NTM: variants seen among roughly 807,000 people sequenced by gnomAD.
NTM encodes the protein neurotrimin, also known as IgLON family member 2.
NTM carries 13 observed loss-of-function variants against 42.1 expected under a neutral mutation model. The observed-to-expected ratio is 0.31, with a 90% CI of 0.20 to 0.49. The LOEUF is 0.49. Ranked by LOEUF, NTM falls within the 20% of genes least tolerant of loss-of-function variation. NTM has a pLI of 0.99. For synonymous variants in NTM, 187 were observed against 179.2 expected, an observed-to-expected ratio of 1.04 and a Z score of -0.35; for missense variants, 373 against 452.8, an observed-to-expected ratio of 0.82 and a Z score of 1.60.
At chr11:131,588,071 A>C (rs2137252975) in intron 1 of NTM, among the ~76,000 whole-genome samples, 1 of 152,356 alleles carries the variant, frequency 6.6e-6, no homozygotes, top group African/African-American at 2.4e-5. Flanking sequence ...TTACATCACC[A>C]TATGAGGTGG....
At chr11:131,570,394 C>T (rs2057338253) in intron 1 of NTM, among the ~76,000 whole-genome samples, 1 of 152,120 alleles carries the variant, frequency 6.6e-6, no homozygotes, top group African/African-American at 2.4e-5. Context: ...TTCACAAATC[C>T]TAAAATTTTC....
intron 3 of NTM, among the ~76,000 whole-genome samples, chr11:132,200,094 A>G (rs1047042993): frequency 1.3e-5 from 2 of 152,124 alleles, no homozygotes; most frequent in Non-Finnish European, 2.9e-5. Context: ...TCTACCCCTC[A>G]TGCTAAAGGG....
intron 4 of NTM, among the ~76,000 whole-genome samples, chr11:132,296,919 G>A (rs2094633038): frequency 6.6e-6 from 1 of 152,184 alleles, no homozygotes; most frequent in African/African-American, 2.4e-5. Context: ...AGTAGCTATG[G>A]TGCAGAATAG....
intron 2 of NTM, among the ~76,000 whole-genome samples, chr11:132,028,597 G>A (rs2075507270): frequency 6.6e-6 from 1 of 152,036 alleles, no homozygotes; most frequent in African/African-American, 2.4e-5. Context: ...GCCATGAGTA[G>A]GCCTCAGTAT....
intron 2 of NTM, among the ~76,000 whole-genome samples, chr11:132,102,572 G>A (rs560065504): frequency 6.6e-6 from 1 of 152,296 alleles, no homozygotes; most frequent in East Asian, 1.9e-4. Flanking sequence ...CAGGTAGCAA[G>A]GTATCTTTCT....
chr11:132,011,551 T>A (rs1380740073), intron 2 of NTM, among the ~76,000 whole-genome samples: 1 of 152,236 alleles, frequency 6.6e-6, no homozygotes, highest in East Asian at 1.9e-4. Flanking sequence ...ATTTGCATTT[T>A]TGATTTACAA....
chr11:131,711,937 A>G (rs1327956076), intron 1 of NTM, among the ~76,000 whole-genome samples: 1 of 135,338 alleles, frequency 7.4e-6, no homozygotes, highest in African/African-American at 2.7e-5. Context: ...AACAATGAGA[A>G]CACATGGACA....
At chr11:132,048,818 CTTTTTTTTTT>C (rs10563617) in intron 2 of NTM, among the ~76,000 whole-genome samples, 5 of 132,998 alleles carry the variant, frequency 3.8e-5, no homozygotes, top group East Asian at 2.3e-4. Flanking sequence ...TTTCTTTTTT[CTTTTTTTTTT>C]TTTTTTTTTA....
At chr11:131,982,006 C>A (rs2065316705) in intron 2 of NTM, among the ~76,000 whole-genome samples, 1 of 151,552 alleles carries the variant, frequency 6.6e-6, no homozygotes, top group Non-Finnish European at 1.5e-5. Context: ...AGCGGGACTC[C>A]ATCTCAAAAA....
chr11:131,981,962 A>G (rs983662734), intron 2 of NTM, among the ~76,000 whole-genome samples: 1 of 152,182 alleles, frequency 6.6e-6, no homozygotes, highest in Non-Finnish European at 1.5e-5. Context: ...CAGTGAGCCA[A>G]GATTGCACCA....
At chr11:131,489,523 G>C (rs1003663671) in intron 1 of NTM, among the ~76,000 whole-genome samples, 3 of 152,288 alleles carry the variant, frequency 2.0e-5, no homozygotes, top group African/African-American at 7.2e-5. Flanking sequence ...TCTTTTGTCT[G>C]ACTTGGAAGG....
chr11:132,219,829 C>A (rs2084762057), intron 4 of NTM, among the ~76,000 whole-genome samples: 4 of 152,178 alleles, frequency 2.6e-5, no homozygotes, highest in Admixed American at 2.6e-4. Flanking sequence ...CCTCTTCACT[C>A]CCACCCGTGA....
At chr11:131,592,647 A>AACACACACACAC (rs3040142) in intron 1 of NTM, among the ~76,000 whole-genome samples, 108 of 140,786 alleles carry the variant, frequency 7.7e-4, no homozygotes, top group Middle Eastern at 3.6e-3. Context: ...ACACACCCCA[A>AACACACACACAC]ACACACACAC....
At chr11:131,747,719 G>A (rs902382286) in intron 1 of NTM, among the ~76,000 whole-genome samples, 2 of 152,120 alleles carry the variant, frequency 1.3e-5, no homozygotes, top group African/African-American at 2.4e-5. Context: ...GTCTGCCACT[G>A]CCAGTCCTGC....
rs1364607042 is a variant in NTM, at chr11:131,452,186, C to T, written c.82+81298C>T. Among the ~76,000 whole-genome samples, 6 of 152,172 alleles carry T rather than the reference C, an allele frequency of 3.9e-5. No individual in the cohort carries two copies. In the East Asian group the frequency reaches 5.8e-4, roughly 15 times the overall value. On this transcript the variant is annotated intron_variant, in intron 1 of 8. Transcript: ENST00000683400. The stretch of plus-strand genomic sequence containing the variant: ...AATGTGTGGAGTTTTCTGAGTTTAA[C>T]GGGCTGAGAAATGGAAAGGCATTTG...
intron 2 of NTM, among the ~76,000 whole-genome samples, chr11:132,082,092 A>AT (rs2059145552): frequency 6.6e-6 from 1 of 151,816 alleles, no homozygotes; most frequent in African/African-American, 2.4e-5. Context: ...TCTCAAAAAA[A>AT]GCTTCATCAA....
At chr11:132,175,528 C>T (rs1256820021) in intron 3 of NTM, among the ~76,000 whole-genome samples, 1 of 152,102 alleles carries the variant, frequency 6.6e-6, no homozygotes, top group Non-Finnish European at 1.5e-5. Context: ...TAACTGAGAA[C>T]TTTTAATTCA....
intron 4 of NTM, among the ~76,000 whole-genome samples, chr11:132,216,032 G>A (rs1475759364): frequency 6.6e-6 from 1 of 152,220 alleles, no homozygotes; most frequent in Non-Finnish European, 1.5e-5. Context: ...TGCCCACTGT[G>A]CCTGGTGTCA....
At chr11:131,454,476 C>T (rs1191589323) in intron 1 of NTM, among the ~76,000 whole-genome samples, 1 of 152,168 alleles carries the variant, frequency 6.6e-6, no homozygotes, top group Non-Finnish European at 1.5e-5. Flanking sequence ...CGTCCCCCAA[C>T]ACACCTTTAC....
Sources: allele counts gnomAD v4.1 joint callset (sites outside exome capture counted in the v4.1 genomes callset), GRCh38; gene constraint gnomAD v4.1.1; transcripts MANE v1.5; gene names NCBI Gene and HGNC (gene_info 2026-07-23, HGNC 2026-07-21).